Variants in ATP13A4 observed in about 807,000 individuals in gnomAD.
The protein encoded by ATP13A4 is ATPase 13A4, also known as probable cation-transporting ATPase 13A4.
A neutral mutation model predicts 142.5 loss-of-function variants in ATP13A4; 114 were observed. The ratio of observed to expected loss-of-function variants is 0.80; its 90% CI spans 0.69 to 0.93. ATP13A4 has a LOEUF of 0.93. ATP13A4 is among the 40% of genes least tolerant of loss of function. The pLI is 0.00. For synonymous variants in ATP13A4, 488 were observed against 514.8 expected, an observed-to-expected ratio of 0.95 and a Z score of 0.70; for missense variants, 1,392 against 1,454.0, an observed-to-expected ratio of 0.96 and a Z score of 0.69.
intron 12 of ATP13A4, 148 bp from the exon 13 acceptor site, chr3:193,462,971 C>G: frequency 1.4e-6 from 1 of 723,146 alleles, no homozygotes; most frequent in African/African-American, 1.8e-5. Flanking sequence ...ATAATGAAAC[C>G]ACCTCCCTAT....
chr3:193,403,886 T>A (rs1714366019), intron 29 of ATP13A4: 10 of 985,222 alleles, frequency 1.0e-5, no homozygotes, highest in Non-Finnish European at 1.2e-5. Flanking sequence ...TTTGAAAGAG[T>A]TAATTCTGTG....
intron 28 of ATP13A4, among the ~76,000 whole-genome samples, chr3:193,409,353 A>G (rs112199606): frequency 1.7e-3 from 228 of 136,664 alleles, no homozygotes; most frequent in African/African-American, 7.1e-3. Context: ...ATTTTTATGT[A>G]ATAATAAGAA....
rs775612526 is a variant in ATP13A4 at position 193,402,608 on chromosome 3, TG to T, written c.*43del. 1 of 799,472 alleles carries T rather than the reference TG, an allele frequency of 1.3e-6. No homozygotes were observed. The highest frequency in any genetic ancestry group is 2.3e-6 in the Non-Finnish European group (1 of 436,160). 49.5% of individuals were successfully genotyped at this position (799,472 alleles called of 1,614,324 possible). On this transcript the variant is annotated 3_prime_UTR_variant, in exon 30 of 30. Transcript: ENST00000342695. ...TAAAATCAATGAAACTGGTCCCTTT[TG>T]TCATTGTTTCTCTGTAATATCAACT... is the stretch of plus-strand genomic sequence containing the variant.
At chr3:193,476,587 G>A (rs1051142468) in intron 8 of ATP13A4, among the ~76,000 whole-genome samples, 6 of 152,106 alleles carry the variant, frequency 3.9e-5, no homozygotes, top group East Asian at 1.9e-4. Flanking sequence ...TGGTGCAAGA[G>A]TCCCAGCTTT....
intron 25 of ATP13A4, among the ~76,000 whole-genome samples, chr3:193,430,704 A>G (rs577735517): frequency 6.6e-6 from 1 of 152,222 alleles, no homozygotes; most frequent in South Asian, 2.1e-4. Context: ...TGTACTAGAG[A>G]CAGTAAGACC....
rs1424847603 is a variant in ATP13A4 at position 193,525,275 on chromosome 3, T to C, written c.61-10404A>G. 2.0e-5 allele frequency among the ~76,000 whole-genome samples: 3 copies of C among 152,214 alleles called. No homozygotes were observed. In the South Asian group the frequency reaches 6.2e-4, roughly 32 times the overall value. On this transcript the variant is annotated intron_variant, in intron 1 of 29. Transcript: ENST00000342695. ...AAACATCTAGTCGAACTCATCATTT[T>C]TTAGAGAAGAAAGCTGAAATCTTAA...
At chr3:193,460,607 A>C (rs1445556448) in intron 13 of ATP13A4, among the ~76,000 whole-genome samples, 1 of 152,260 alleles carries the variant, frequency 6.6e-6, no homozygotes, top group Non-Finnish European at 1.5e-5. Context: ...TCTAAAAGGA[A>C]GAGACCACCA....
At chr3:193,449,364 T>C (rs907403031) in intron 17 of ATP13A4, among the ~76,000 whole-genome samples, 1 of 152,212 alleles carries the variant, frequency 6.6e-6, no homozygotes, top group East Asian at 1.9e-4. Flanking sequence ...CAGATGAAAG[T>C]GGCACCCACT....
chr3:193,526,906 C>T (rs1258510666), intron 1 of ATP13A4, among the ~76,000 whole-genome samples: 1 of 152,000 alleles, frequency 6.6e-6, no homozygotes, highest in Non-Finnish European at 1.5e-5. Context: ...ATTATTAAAT[C>T]GGTTGCATAT....
chr3:193,535,342 C>T (rs77466782), intron 1 of ATP13A4, among the ~76,000 whole-genome samples: 4,442 of 152,142 alleles, frequency 0.029, 213 homozygotes, highest in African/African-American at 0.1. Flanking sequence ...ACATCTTCTC[C>T]AACCAGAATA....
intron 1 of ATP13A4, among the ~76,000 whole-genome samples, chr3:193,528,671 A>AG (rs1722144617): frequency 6.6e-6 from 1 of 152,180 alleles, no homozygotes; most frequent in Non-Finnish European, 1.5e-5. Context: ...ATGTTATCTC[A>AG]GGGGGATTTT....
chr3:193,560,594 T>C (rs1723993131), intron 2 of ATP13A4, among the ~76,000 whole-genome samples: 1 of 152,192 alleles, frequency 6.6e-6, no homozygotes, highest in Non-Finnish European at 1.5e-5. Context: ...TTGCCAAGCA[T>C]AGATTTCAAT....
intron 1 of ATP13A4, among the ~76,000 whole-genome samples, chr3:193,523,544 A>C (rs1471932228): frequency 2.7e-4 from 41 of 152,184 alleles, no homozygotes; most frequent in Non-Finnish European, 1.6e-4. Flanking sequence ...AAAAACCCCT[A>C]AATGATGGTA....
intron 3 of ATP13A4, among the ~76,000 whole-genome samples, chr3:193,502,136 C>A (rs7639379): frequency 6.6e-6 from 1 of 152,038 alleles, no homozygotes; most frequent in African/African-American, 2.4e-5. Context: ...TGAGATCCTA[C>A]CTCTAACAAA....
chr3:193,466,511 T>A (rs982672157), intron 10 of ATP13A4, among the ~76,000 whole-genome samples: 1 of 150,374 alleles, frequency 6.7e-6, no homozygotes, highest in Admixed American at 6.6e-5. Context: ...CGCACACACA[T>A]GTCACTGAAT....
At chr3:193,408,900 T>G (rs1009983178) in intron 28 of ATP13A4, among the ~76,000 whole-genome samples, 2 of 152,200 alleles carry the variant, frequency 1.3e-5, no homozygotes, top group Non-Finnish European at 2.9e-5. Flanking sequence ...CCAGCAAATC[T>G]CTTGCATAAC....
intron 25 of ATP13A4, among the ~76,000 whole-genome samples, chr3:193,427,265 A>G (rs1715716723): frequency 6.6e-6 from 1 of 152,182 alleles, no homozygotes; most frequent in Non-Finnish European, 1.5e-5. Flanking sequence ...GGATCTCTTC[A>G]AGAAGAACTA....
chr3:193,576,874 A>C (rs1724408799), intron 2 of ATP13A4, among the ~76,000 whole-genome samples: 1 of 152,232 alleles, frequency 6.6e-6, no homozygotes, highest in African/African-American at 2.4e-5. Flanking sequence ...TGCTGGAATA[A>C]AGGAAGCCTG....
rs148034989 is a variant in ATP13A4 at position 193,445,750 on chromosome 3, T to C, written c.2152+2456A>G. 6.0e-3 allele frequency among the ~76,000 whole-genome samples: 908 copies of C among 152,072 alleles called. 10 individuals carry two copies. The highest frequency in any genetic ancestry group is 0.021 in the African/African-American group (877 of 41,492). ...CCAGCCTGGTGACAGAGCAAGACTC[T>C]ATCTCAAAAAATACAAATAAATAAA... On this transcript the variant is annotated intron_variant, in intron 18 of 29. Transcript: ENST00000342695.
Sources: allele counts gnomAD v4.1 joint callset (sites outside exome capture counted in the v4.1 genomes callset), GRCh38; gene constraint gnomAD v4.1.1; transcripts MANE v1.5; gene names NCBI Gene and HGNC (gene_info 2026-07-23, HGNC 2026-07-21).